NSMCE2: variants seen among roughly 807,000 people sequenced by gnomAD.
The protein encoded by NSMCE2 is NSE2 SUMO ligase component of SMC5/6 complex, also known as E3 SUMO-protein ligase NSE2.
Under a neutral mutation model 23.8 loss-of-function variants are expected in NSMCE2, and 24 were observed. That is an observed-to-expected ratio of 1.01 (90% CI 0.73 to 1.42). The LOEUF is 1.42. Among genes scored for constraint, NSMCE2 ranks in the 40% most tolerant of loss-of-function variants. NSMCE2 has a pLI of 0.00. For missense variants in NSMCE2, 284 were observed against 296.5 expected, an observed-to-expected ratio of 0.96 and a Z score of 0.31; for synonymous variants, 92 against 94.1, an observed-to-expected ratio of 0.98 and a Z score of 0.13.
At chr8:125,315,435 C>A (rs535714231) in intron 5 of NSMCE2, among the ~76,000 whole-genome samples, 1 of 152,188 alleles carries the variant, frequency 6.6e-6, no homozygotes, top group Non-Finnish European at 1.5e-5. Flanking sequence ...ATCACACTGA[C>A]TTCTTGTATT....
At chr8:125,324,303 ATATTTATTCAAGACCATTGGAAGCATG>A (rs1211504549) in intron 5 of NSMCE2, among the ~76,000 whole-genome samples, 16 of 152,248 alleles carry the variant, frequency 1.1e-4, no homozygotes, top group African/African-American at 3.9e-4. Context: ...CCACTTCGAG[ATATTTATTCAAGACCATTGGAAGCATG>A]TGCCCGCAGA....
chr8:125,295,441 T>C (rs1008227717), intron 5 of NSMCE2, among the ~76,000 whole-genome samples: 3 of 152,190 alleles, frequency 2.0e-5, no homozygotes, highest in African/African-American at 7.2e-5. Context: ...GAGAAGTGCT[T>C]AGGATTTCTC....
At chr8:125,200,955 C>T (rs1332516102) in intron 5 of NSMCE2, among the ~76,000 whole-genome samples, 2 of 152,118 alleles carry the variant, frequency 1.3e-5, no homozygotes, top group African/African-American at 4.8e-5. Flanking sequence ...TCCAGTTGAT[C>T]GAATCGGGTA....
chr8:125,228,911 A>C (rs557956886), intron 5 of NSMCE2, among the ~76,000 whole-genome samples: 3 of 152,308 alleles, frequency 2.0e-5, no homozygotes, highest in Non-Finnish European at 4.4e-5. Context: ...ATTCCCTCTA[A>C]GTTACAAAGC....
intron 5 of NSMCE2, among the ~76,000 whole-genome samples, chr8:125,227,791 C>G (rs958775628): frequency 6.6e-6 from 1 of 152,128 alleles, no homozygotes; most frequent in Non-Finnish European, 1.5e-5. Flanking sequence ...GAGATAACCA[C>G]ATAATAACAT....
intron 5 of NSMCE2, among the ~76,000 whole-genome samples, chr8:125,249,020 A>C (rs932594058): frequency 1.3e-5 from 2 of 152,128 alleles, no homozygotes; most frequent in African/African-American, 4.8e-5. Context: ...AAATACAAAA[A>C]ATTAGCCGAG....
chr8:125,147,409 C>T (rs1820750367), intron 3 of NSMCE2, among the ~76,000 whole-genome samples: 1 of 152,126 alleles, frequency 6.6e-6, no homozygotes. Context: ...ACTAAGGCAT[C>T]ATTCTTGTCC....
rs1231625330 is a variant in NSMCE2, at chr8:125,347,416, C to T, written c.419-9803C>T. On this transcript the variant is annotated intron_variant, in intron 5 of 7. Coordinates refer to ENST00000287437, the MANE Select transcript of NSMCE2 (RefSeq NM_173685.4). ...GACTCTTCCCCTACCTCCAGAGATA[C>T]TTTTGTACTTTGTACAAAATGTATA... Among the ~76,000 whole-genome samples, 3 of 152,296 alleles carry T rather than the reference C, an allele frequency of 2.0e-5. No homozygotes were observed. In the South Asian group the frequency reaches 6.2e-4, roughly 32 times the overall value.
intron 5 of NSMCE2, among the ~76,000 whole-genome samples, chr8:125,192,412 C>T (rs1381779274): frequency 6.6e-6 from 1 of 150,884 alleles, no homozygotes; most frequent in Non-Finnish European, 1.5e-5. Flanking sequence ...AGCAAGTAGA[C>T]ATGGTTTACT....
chr8:125,279,296 G>T (rs1827603963), intron 5 of NSMCE2, among the ~76,000 whole-genome samples: 1 of 152,126 alleles, frequency 6.6e-6, no homozygotes, highest in African/African-American at 2.4e-5. Flanking sequence ...TATATATATT[G>T]CAAATGGTTG....
chr8:125,221,391 G>A (rs1824855132), intron 5 of NSMCE2, among the ~76,000 whole-genome samples: 1 of 152,168 alleles, frequency 6.6e-6, no homozygotes, highest in Non-Finnish European at 1.5e-5. Context: ...TTACAGTTGT[G>A]TACCACCATG....
chr8:125,223,300 A>G (rs1209613492), intron 5 of NSMCE2, among the ~76,000 whole-genome samples: 2 of 149,596 alleles, frequency 1.3e-5, no homozygotes, highest in Non-Finnish European at 3.0e-5. Context: ...AGAGGTTGCT[A>G]TGAGTCAAGA....
At chr8:125,208,378 T>C (rs533736149) in intron 5 of NSMCE2, among the ~76,000 whole-genome samples, 34 of 152,328 alleles carry the variant, frequency 2.2e-4, no homozygotes, top group African/African-American at 7.7e-4. Context: ...ACTAGATGTA[T>C]AGGAATAGAG....
chr8:125,264,846 C>A (rs1446141123), intron 5 of NSMCE2, among the ~76,000 whole-genome samples: 2 of 152,140 alleles, frequency 1.3e-5, no homozygotes, highest in Non-Finnish European at 2.9e-5. Context: ...GGCCTTATAT[C>A]TTCTAGTACC....
At chr8:125,198,233 G>C (rs185074629) in intron 5 of NSMCE2, among the ~76,000 whole-genome samples, 3 of 152,264 alleles carry the variant, frequency 2.0e-5, no homozygotes, top group African/African-American at 7.2e-5. Flanking sequence ...TGTTGAATAG[G>C]AGTGGTGAGA....
chr8:125,278,207 A>G (rs1310401173), intron 5 of NSMCE2, among the ~76,000 whole-genome samples: 3 of 152,246 alleles, frequency 2.0e-5, no homozygotes, highest in Non-Finnish European at 4.4e-5. Flanking sequence ...TTATTTATAA[A>G]AAGAAAAAGG....
intron 5 of NSMCE2, among the ~76,000 whole-genome samples, chr8:125,250,121 C>G (rs752521060): frequency 6.6e-5 from 10 of 152,172 alleles, no homozygotes; most frequent in Non-Finnish European, 5.9e-5. Flanking sequence ...TCCCAAGTAG[C>G]TGGTACTACA....
intron 5 of NSMCE2, among the ~76,000 whole-genome samples, chr8:125,338,544 G>A (rs1207276090): frequency 6.6e-6 from 1 of 152,146 alleles, no homozygotes; most frequent in African/African-American, 2.4e-5. Context: ...GTCCTTTTCT[G>A]AATTTCGTTA....
chr8:125,151,115 T>C, intron 3 of NSMCE2, 56 bp from the exon 4 acceptor site: 1 of 893,094 alleles, frequency 1.1e-6, no homozygotes, highest in South Asian at 1.5e-5. Flanking sequence ...ATGCAACTTT[T>C]TCCAGATATG....
Sources: allele counts gnomAD v4.1 joint callset (sites outside exome capture counted in the v4.1 genomes callset), GRCh38; gene constraint gnomAD v4.1.1; transcripts MANE v1.5; gene names NCBI Gene and HGNC (gene_info 2026-07-23, HGNC 2026-07-21).